GPHN: variants seen among roughly 807,000 people sequenced by gnomAD.
The protein encoded by GPHN is gephyrin.
Under a neutral mutation model 95.5 loss-of-function variants are expected in GPHN, and 17 were observed. That is an observed-to-expected ratio of 0.18 (90% CI 0.12 to 0.27). The LOEUF (loss-of-function observed/expected upper bound fraction) is 0.27. Among genes scored for constraint, GPHN ranks in the 10% least tolerant of loss-of-function variants. The pLI, the probability that GPHN is intolerant of heterozygous loss-of-function variation, is 1.00. For synonymous variants in GPHN, 320 were observed against 322.5 expected, an observed-to-expected ratio of 0.99 and a Z score of 0.08; for missense variants, 660 against 978.1, an observed-to-expected ratio of 0.67 and a Z score of 4.34.
chr14:67,517,381 C>T, the GPHN span, among the ~76,000 whole-genome samples: 3 of 152,196 alleles, frequency 2.0e-5, no homozygotes, highest in Admixed American at 1.3e-4. Flanking sequence ...GCATGAGGCA[C>T]GGTAGGCGCC....
In GPHN at chr14:66,741,725, C is replaced by G. The variant is rs139583978; in HGVS notation, c.144-34739C>G. ...AGCTGACATCAAATTATTTCTTCCT[C>G]TCAAGTCCTTTGTAGCTACTGTCAC... is the stretch of plus-strand genomic sequence containing the variant. On this transcript the variant is annotated intron_variant, in intron 2 of 22. Coordinates refer to ENST00000478722, the MANE Select transcript of GPHN (RefSeq NM_020806.5). Among the ~76,000 whole-genome samples the G allele has an allele frequency of 5.5e-4, 84 of 152,258 alleles. 2 individuals carry two copies. Among genetic ancestry groups the G allele is most frequent in the African/African-American group, 2.0e-3 (82 of 41,558 alleles).
chr14:67,029,491 C>T (rs920422010), intron 10 of GPHN, among the ~76,000 whole-genome samples: 1 of 152,142 alleles, frequency 6.6e-6, no homozygotes, highest in African/African-American at 2.4e-5. Flanking sequence ...GCATGCGCCA[C>T]CACACCCAGC....
chr14:67,571,329 A>G, the GPHN span: 1 of 171,238 alleles, frequency 5.8e-6, no homozygotes, highest in Non-Finnish European at 1.3e-5. Context: ...TCTTCTCCCC[A>G]TACTCTCACC....
intron 5 of GPHN, among the ~76,000 whole-genome samples, chr14:66,892,396 C>G (rs956347372): frequency 6.6e-6 from 1 of 152,146 alleles, no homozygotes; most frequent in Non-Finnish European, 1.5e-5. Context: ...GCATTCCAGT[C>G]TGGGCAACAG....
chr14:67,373,374 A>G, the GPHN span, among the ~76,000 whole-genome samples: 9 of 152,262 alleles, frequency 5.9e-5, no homozygotes, highest in South Asian at 4.1e-4. Flanking sequence ...AAATAAAATC[A>G]GTGTATATGA....
At chr14:66,948,174 G>A (rs1296805312) in intron 8 of GPHN, among the ~76,000 whole-genome samples, 2 of 151,716 alleles carry the variant, frequency 1.3e-5, no homozygotes, top group Admixed American at 6.6e-5. Flanking sequence ...TTCCTAAAAG[G>A]CAATTACACG....
At chr14:66,817,512 TAAAAACCACCACAAAATGTGGTGGCTTTA>T (rs2061021914) in intron 3 of GPHN, among the ~76,000 whole-genome samples, 1 of 152,200 alleles carries the variant, frequency 6.6e-6, no homozygotes, top group Admixed American at 6.5e-5. Context: ...ATTGTTACAT[TAAAAACCACCACAAAATGTGGTGGCTTTA>T]ACACATATAG....
At chr14:67,250,801 C>A in the GPHN span, among the ~76,000 whole-genome samples, 7,235 of 152,174 alleles carry the variant, frequency 0.048, 191 homozygotes, top group Middle Eastern at 0.054. Context: ...GGAATCTTAT[C>A]CTTCTGTTTT....
At chr14:66,680,495 A>G (rs985978535) in intron 1 of GPHN, among the ~76,000 whole-genome samples, 3 of 152,078 alleles carry the variant, frequency 2.0e-5, no homozygotes, top group African/African-American at 7.3e-5. Flanking sequence ...CAGGGAGAAA[A>G]CTGTCTGTAA....
intron 3 of GPHN, among the ~76,000 whole-genome samples, chr14:66,789,139 C>T (rs1211006648): frequency 6.6e-6 from 1 of 152,200 alleles, no homozygotes; most frequent in Non-Finnish European, 1.5e-5. Flanking sequence ...CCAGTATGTT[C>T]ACACACAGAA....
intron 1 of GPHN, among the ~76,000 whole-genome samples, chr14:66,576,230 G>A (rs976524077): frequency 3.3e-5 from 5 of 152,180 alleles, no homozygotes; most frequent in Admixed American, 6.5e-5. Context: ...GTGCTGGCTA[G>A]CTTGGAGGCT....
chr14:67,269,059 T>C, the GPHN span, among the ~76,000 whole-genome samples: 1 of 152,216 alleles, frequency 6.6e-6, no homozygotes, highest in Non-Finnish European at 1.5e-5. Context: ...AGGCAACCAC[T>C]GATCTACTTT....
chr14:67,164,162 G>A (rs1293662480), intron 19 of GPHN, among the ~76,000 whole-genome samples: 1 of 151,052 alleles, frequency 6.6e-6, no homozygotes, highest in Non-Finnish European at 1.5e-5. Flanking sequence ...CAGCTACTCG[G>A]GAGGCTGAGG....
At chr14:66,953,418 CT>C (rs1391378068) in intron 8 of GPHN, among the ~76,000 whole-genome samples, 5 of 151,908 alleles carry the variant, frequency 3.3e-5, no homozygotes, top group Non-Finnish European at 5.9e-5. Flanking sequence ...GAAGATTTAC[CT>C]TTATGTTTTC....
chr14:66,872,787 C>T (rs1012143926), intron 4 of GPHN, among the ~76,000 whole-genome samples: 2 of 151,202 alleles, frequency 1.3e-5, no homozygotes, highest in Non-Finnish European at 2.9e-5. Flanking sequence ...CACAGCTACT[C>T]GGAAGGCTGA....
At chr14:67,381,700 G>T in the GPHN span, 1 of 1,592,828 alleles carries the variant, frequency 6.3e-7, no homozygotes, top group Non-Finnish European at 8.6e-7. Context: ...GGTGAGTCAT[G>T]AGTTGTCTCC....
chr14:66,743,449 C>T (rs1203175894), intron 2 of GPHN, among the ~76,000 whole-genome samples: 1 of 152,172 alleles, frequency 6.6e-6, no homozygotes, highest in Non-Finnish European at 1.5e-5. Flanking sequence ...TTCACTAGAG[C>T]ATCCAGAAAA....
chr14:67,193,767 A>G, the GPHN span, among the ~76,000 whole-genome samples: 1 of 143,792 alleles, frequency 7.0e-6, no homozygotes, highest in African/African-American at 2.6e-5. Flanking sequence ...ACACAGGAAG[A>G]CCCAATTTCT....
chr14:67,359,604 C>G, the GPHN span: 1 of 1,604,796 alleles, frequency 6.2e-7, no homozygotes, highest in Non-Finnish European at 8.5e-7. Context: ...CTGAAGGGAC[C>G]GCGCTCCGGG....
Sources: gnomAD v4.1 joint callset for allele counts (sites outside exome capture counted in the v4.1 genomes callset) on GRCh38, gnomAD v4.1.1 for gene constraint, MANE v1.5 for transcripts, NCBI Gene and HGNC (gene_info 2026-07-23, HGNC 2026-07-21) for gene names.